BCL11B: variants seen among roughly 807,000 people sequenced by gnomAD.
BCL11B encodes BCL11 transcription factor B.
A neutral mutation model predicts 49.9 loss-of-function variants in BCL11B; 8 were observed. The observed-to-expected ratio is 0.16, with a 90% CI of 0.09 to 0.29. BCL11B has a LOEUF of 0.29. Among genes scored for constraint, BCL11B ranks in the 10% least tolerant of loss-of-function variants. BCL11B has a pLI of 1.00. For missense variants in BCL11B, 1,006 were observed against 1,351.0 expected (o/e 0.74, Z 4.00); for synonymous variants, 739 against 637.4 (o/e 1.16, Z -2.40).
Position 99,184,760 on chromosome 14 carries a change from G to C in BCL11B, c.641-8565C>G, listed in dbSNP as rs1026790984. ...CCGGGAGGCCAAGCTGAAGGCCTTCGAGGGCAGGAAATGGCCCAGAAGAAA... is the reference window on the plus strand; with the variant it reads ...CCGGGAGGCCAAGCTGAAGGCCTTCCAGGGCAGGAAATGGCCCAGAAGAAA... On this transcript the variant is annotated intron_variant, in intron 3 of 3. Transcript: ENST00000357195. This position sits in a 1 kb window ranked among gnomAD's most constrained non-coding sequence, Gnocchi z 6.1. Among the ~76,000 whole-genome samples the C allele has an allele frequency of 1.3e-5, 2 of 152,142 alleles. No individual in the cohort carries two copies. The highest frequency in any genetic ancestry group is 2.9e-5 in the Non-Finnish European group (2 of 68,022).
intron 3 of BCL11B, among the ~76,000 whole-genome samples, chr14:99,208,991 C>T (rs529572703): frequency 5.3e-5 from 8 of 152,296 alleles, no homozygotes; most frequent in African/African-American, 1.9e-4. Context: ...GGACACCTCC[C>T]GGGAAGCAGA....
At chr14:99,204,690 T>C (rs988746380) in intron 3 of BCL11B, among the ~76,000 whole-genome samples, 2 of 151,986 alleles carry the variant, frequency 1.3e-5, no homozygotes, top group Admixed American at 1.3e-4. Flanking sequence ...TCTAGAACCT[T>C]CTCCCTTACC....
chr14:99,238,646 G>A (rs1013495635), intron 2 of BCL11B, among the ~76,000 whole-genome samples: 4 of 152,294 alleles, frequency 2.6e-5, no homozygotes, highest in African/African-American at 9.6e-5. Flanking sequence ...GTAGGGGGGC[G>A]CAGTGAGGGA....
intron 3 of BCL11B, among the ~76,000 whole-genome samples, chr14:99,220,817 C>G (rs1278893620): frequency 1.3e-5 from 2 of 152,146 alleles, no homozygotes; most frequent in African/African-American, 2.4e-5. Flanking sequence ...CCACAGCACA[C>G]AGTGGACCCT....
rs1327594073 is a variant in BCL11B, at chr14:99,205,645, AC to A, written c.640+25699del. Among the ~76,000 whole-genome samples the A allele has an allele frequency of 4.0e-5, 6 of 151,798 alleles. No homozygotes were observed. The highest frequency in any genetic ancestry group is 8.8e-5 in the Non-Finnish European group (6 of 67,934). ...GGACATTTGAAGCATCCGCCCCCCT[AC>A]CCCCCAGCTTTGTGGAATGAGGTCA... On this transcript the variant is annotated intron_variant, in intron 3 of 3. Transcript: ENST00000357195. The surrounding 1 kb of genome is among the most constrained non-coding windows in gnomAD (Gnocchi z 5.0).
At chr14:99,215,426 A>AT (rs1887806148) in intron 3 of BCL11B, among the ~76,000 whole-genome samples, 1 of 152,256 alleles carries the variant, frequency 6.6e-6, no homozygotes, top group African/African-American at 2.4e-5. Flanking sequence ...GGGGCGCAAC[A>AT]GTGCCTATGT....
At chr14:99,233,267 C>T (rs555823210) in intron 2 of BCL11B, among the ~76,000 whole-genome samples, 1 of 152,298 alleles carries the variant, frequency 6.6e-6, no homozygotes, top group Admixed American at 6.5e-5. Flanking sequence ...CATCCATCAT[C>T]ATGACAGCCA....
chr14:99,224,884 A>G (rs928046082), intron 3 of BCL11B, among the ~76,000 whole-genome samples: 3 of 152,184 alleles, frequency 2.0e-5, no homozygotes, highest in South Asian at 2.1e-4. Context: ...CGGGTCCACA[A>G]TGACATTTAA....
chr14:99,264,491 GA>G (rs1261552681), intron 1 of BCL11B: 2 of 130,808 alleles, frequency 1.5e-5, no homozygotes, highest in African/African-American at 5.3e-5. Flanking sequence ...TTATGTAAAA[GA>G]GAGGATTTTT....
intron 3 of BCL11B, among the ~76,000 whole-genome samples, chr14:99,227,407 AG>A (rs1456413697): frequency 6.6e-6 from 1 of 151,968 alleles, no homozygotes; most frequent in Non-Finnish European, 1.5e-5. Context: ...AGGGATGGAG[AG>A]GGGAAATGAC....
intron 1 of BCL11B, 70 bp downstream of exon 1, chr14:99,271,091 T>G: frequency 7.0e-7 from 1 of 1,438,602 alleles, no homozygotes; most frequent in Non-Finnish European, 9.2e-7. Context: ...TGTTCCGGGC[T>G]CGGTGTCCCC....
At chr14:99,188,056 T>C (rs933267325) in intron 3 of BCL11B, among the ~76,000 whole-genome samples, 1 of 152,160 alleles carries the variant, frequency 6.6e-6, no homozygotes, top group Non-Finnish European at 1.5e-5. Flanking sequence ...TAGTAATATA[T>C]GTATATTGTT....
In BCL11B at chr14:99,257,650, C is replaced by G. The variant is rs560208112; in HGVS notation, c.248G>C (p.Gly83Ala). ...CTTGTCATAGCAGGCACCCAAGCTG[C>G]CGCCACACTGCTTCCTTTTGTGCTC... ...FIEHKRKQCG[G>A]SLGACYDKAL... is the part of the protein sequence containing the mutation. The change falls in exon 2 of 4, where the codon GGC (glycine) becomes GCC (alanine). Residue 83 changes from glycine to alanine, a missense_variant. Physicochemically the swap from Gly to Ala is moderately conservative, Grantham distance 60. This residue lies in a region of BCL11B where 411 missense variants were observed against 542.2 expected (regional missense o/e 0.76). Coordinates refer to ENST00000357195, the MANE Select transcript of BCL11B (RefSeq NM_138576.4). This position sits in a 1 kb window ranked among gnomAD's most constrained non-coding sequence, Gnocchi z 6.2. 4.3e-6 allele frequency: 7 copies of G among 1,613,052 alleles called. No individual in the cohort carries two copies. Among genetic ancestry groups the G allele is most frequent in the African/African-American group, 4.0e-5 (3 of 74,996 alleles).
chr14:99,188,277 T>TA (rs1292901917), intron 3 of BCL11B, among the ~76,000 whole-genome samples: 1 of 152,120 alleles, frequency 6.6e-6, no homozygotes, highest in East Asian at 1.9e-4. Context: ...AATTATAGGG[T>TA]AAAAAACTGG....
intron 3 of BCL11B, among the ~76,000 whole-genome samples, chr14:99,198,960 A>G (rs1887261126): frequency 6.6e-6 from 1 of 152,012 alleles, no homozygotes; most frequent in Admixed American, 6.6e-5. Flanking sequence ...CCTAGCTCAG[A>G]CTCCCCGGAC....
rs4905812 is a variant in BCL11B, at chr14:99,228,955, G to A, written c.640+2390C>T. 6.6e-6 allele frequency among the ~76,000 whole-genome samples: 1 copy of A among 152,024 alleles called. No homozygotes were observed. The highest frequency in any genetic ancestry group is 1.5e-5 in the Non-Finnish European group (1 of 67,988). On this transcript the variant is annotated intron_variant, in intron 3 of 3. Transcript: ENST00000357195. The surrounding 1 kb of genome is among the most constrained non-coding windows in gnomAD (Gnocchi z 4.8). ...GGATGGATGAACGGATGGGTGGATG[G>A]ATGGATGCATGGATGGATGCATGGA...
chr14:99,249,894 G>A (rs934786280), intron 2 of BCL11B, among the ~76,000 whole-genome samples: 2 of 152,122 alleles, frequency 1.3e-5, no homozygotes, highest in African/African-American at 2.4e-5. Flanking sequence ...TTGGGAGGCC[G>A]AGGCGGGTGG....
intron 3 of BCL11B, among the ~76,000 whole-genome samples, chr14:99,180,241 G>A (rs781516815): frequency 6.6e-5 from 10 of 152,174 alleles, no homozygotes; most frequent in South Asian, 2.1e-4. Context: ...ATTTAGAAGC[G>A]ATTTACCCAG....
chr14:99,230,241 G>T (rs1888289104), intron 3 of BCL11B, among the ~76,000 whole-genome samples: 1 of 152,164 alleles, frequency 6.6e-6, no homozygotes, highest in African/African-American at 2.4e-5. Flanking sequence ...GCTCCATCAG[G>T]GACCGCCTGT....
Sources: allele counts gnomAD v4.1 joint callset (sites outside exome capture counted in the v4.1 genomes callset), GRCh38; gene constraint gnomAD v4.1.1; regional missense constraint gnomAD v4.1.1; non-coding constraint Gnocchi (gnomAD v3.1); transcripts MANE v1.5; gene names NCBI Gene and HGNC (gene_info 2026-07-23, HGNC 2026-07-21).